Variants in IL1RAPL2 observed in about 807,000 individuals in gnomAD.
IL1RAPL2 encodes interleukin 1 receptor accessory protein like 2, also known as X-linked interleukin-1 receptor accessory protein-like 2.
IL1RAPL2 carries 3 observed loss-of-function variants against 44.1 expected under a neutral mutation model. The ratio of observed to expected loss-of-function variants is 0.07; its 90% CI spans 0.03 to 0.18. The LOEUF (loss-of-function observed/expected upper bound fraction) is 0.18, where lower values mean the gene tolerates loss of function less well. IL1RAPL2 is among the 10% of genes least tolerant of loss of function. The probability of loss-of-function intolerance (pLI) is 1.00; values close to 1 mark genes in which losing one functional copy is unlikely to be tolerated. For synonymous variants in IL1RAPL2, 181 were observed against 178.8 expected (o/e 1.01, Z -0.10); for missense variants, 391 against 496.4 (o/e 0.79, Z 2.02).
At chrX:105,463,836 T>C (rs1211431854) in intron 5 of IL1RAPL2, among the ~76,000 whole-genome samples, 2 of 112,524 alleles carry the variant, frequency 1.8e-5, no homozygotes, top group Non-Finnish European at 3.8e-5. Context: ...CCTCCCACTT[T>C]GGTTTTGCAT....
intron 2 of IL1RAPL2, among the ~76,000 whole-genome samples, chrX:105,194,438 G>A (rs1427078339): frequency 8.9e-6 from 1 of 112,108 alleles, no homozygotes; most frequent in Non-Finnish European, 1.9e-5. Context: ...TTGAAAATAA[G>A]CAAATTAGAA....
chrX:105,418,938 G>T (rs954300975), intron 5 of IL1RAPL2, among the ~76,000 whole-genome samples: 2 of 112,132 alleles, frequency 1.8e-5, no homozygotes, highest in African/African-American at 3.2e-5. Flanking sequence ...AGCATCACTG[G>T]TTTACTCTGC....
chrX:105,285,188 CTT>C (rs201652347), intron 5 of IL1RAPL2, among the ~76,000 whole-genome samples: 1,192 of 111,981 alleles, frequency 0.011, 18 homozygotes, highest in African/African-American at 0.036. Context: ...TTCTGAGTAT[CTT>C]TTCTCTGCCA....
intron 2 of IL1RAPL2, among the ~76,000 whole-genome samples, chrX:104,751,197 T>C (rs1409103989): frequency 9.0e-6 from 1 of 111,670 alleles, no homozygotes; most frequent in Non-Finnish European, 1.9e-5. Flanking sequence ...GGGTGAAATT[T>C]GCATGTATAT....
intron 6 of IL1RAPL2, among the ~76,000 whole-genome samples, chrX:105,560,102 A>G (rs2036923914): frequency 9.0e-6 from 1 of 110,890 alleles, no homozygotes; most frequent in Admixed American, 9.6e-5. Flanking sequence ...ATGCAAACTA[A>G]CTCTACCAAT....
intron 6 of IL1RAPL2, among the ~76,000 whole-genome samples, chrX:105,617,136 C>G (rs377607050): frequency 3.6e-5 from 4 of 111,228 alleles, no homozygotes; most frequent in African/African-American, 1.3e-4. Context: ...GCTGCTGTTA[C>G]TTGCAAATGT....
intron 6 of IL1RAPL2, among the ~76,000 whole-genome samples, chrX:105,665,421 C>T (rs2037753638): frequency 9.2e-6 from 1 of 108,233 alleles, no homozygotes; most frequent in South Asian, 4.0e-4. Flanking sequence ...TACTGTTTTT[C>T]CTCCTATCAT....
chrX:105,671,448 C>A (rs1602513363), intron 6 of IL1RAPL2, among the ~76,000 whole-genome samples: 1 of 111,361 alleles, frequency 9.0e-6, no homozygotes, highest in Non-Finnish European at 1.9e-5. Flanking sequence ...AGTTTTATTT[C>A]TTTATTTCCA....
intron 6 of IL1RAPL2, among the ~76,000 whole-genome samples, chrX:105,517,875 C>T (rs1263797735): frequency 9.0e-6 from 1 of 111,116 alleles, no homozygotes; most frequent in African/African-American, 3.3e-5. Context: ...TAGGAAAACA[C>T]ACTTAGGGGG....
At chrX:104,586,294 T>G (rs1361138372) in intron 1 of IL1RAPL2, among the ~76,000 whole-genome samples, 1 of 111,746 alleles carries the variant, frequency 8.9e-6, no homozygotes, top group East Asian at 2.8e-4. Flanking sequence ...TAATGGGGTT[T>G]GATTTTTGCT....
chrX:104,729,897 C>T (rs1204227500), intron 2 of IL1RAPL2, among the ~76,000 whole-genome samples: 3 of 111,114 alleles, frequency 2.7e-5, no homozygotes, highest in Non-Finnish European at 5.7e-5. Context: ...TTAAGATTAA[C>T]TGTATGCTCT....
chrX:105,119,847 C>T (rs1282636874), intron 2 of IL1RAPL2, among the ~76,000 whole-genome samples: 2 of 110,754 alleles, frequency 1.8e-5, no homozygotes, highest in African/African-American at 6.6e-5. Context: ...ATGATGATAA[C>T]AATGACTATA....
intron 6 of IL1RAPL2, among the ~76,000 whole-genome samples, chrX:105,584,531 T>TG (rs1052304412): frequency 1.2e-5 from 1 of 84,392 alleles, no homozygotes; most frequent in African/African-American, 4.7e-5. Flanking sequence ...TAGTTGTTTC[T>TG]GTTTTTTTTT....
chrX:104,717,846 A>G (rs1360669049), intron 2 of IL1RAPL2, among the ~76,000 whole-genome samples: 1 of 108,942 alleles, frequency 9.2e-6, no homozygotes, highest in African/African-American at 3.3e-5. Flanking sequence ...ATGAGTGAGA[A>G]CATGTGGTGT....
intron 2 of IL1RAPL2, among the ~76,000 whole-genome samples, chrX:105,188,451 G>C (rs937018511): frequency 8.9e-6 from 1 of 111,735 alleles, no homozygotes; most frequent in Non-Finnish European, 1.9e-5. Context: ...TGAGGAGCTG[G>C]TTGTAATGCC....
chrX:105,250,679 G>T (rs2034262128), intron 4 of IL1RAPL2, among the ~76,000 whole-genome samples: 1 of 111,135 alleles, frequency 9.0e-6, no homozygotes, highest in African/African-American at 3.3e-5. Context: ...TTCTGAAAAT[G>T]TATAAGTAAT....
intron 2 of IL1RAPL2, among the ~76,000 whole-genome samples, chrX:104,948,000 C>G (rs1925439546): frequency 9.0e-6 from 1 of 111,172 alleles, no homozygotes; most frequent in Non-Finnish European, 1.9e-5. Context: ...CTATAAATTA[C>G]CTTGGGCAGT....
chrX:104,756,756 G>A (rs775379815), intron 2 of IL1RAPL2, among the ~76,000 whole-genome samples: 11 of 110,027 alleles, frequency 1.0e-4, no homozygotes, highest in Non-Finnish European at 1.9e-4. Flanking sequence ...TAAAGTTTTA[G>A]TTAAAGGGGC....
intron 2 of IL1RAPL2, among the ~76,000 whole-genome samples, chrX:105,162,205 T>G (rs1488758615): frequency 8.9e-6 from 1 of 112,013 alleles, no homozygotes; most frequent in Non-Finnish European, 1.9e-5. Flanking sequence ...GGCCTCAGTT[T>G]CCTATATAAG....
Sources: allele counts gnomAD v4.1 joint callset (sites outside exome capture counted in the v4.1 genomes callset), GRCh38; gene constraint gnomAD v4.1.1; transcripts MANE v1.5; gene names NCBI Gene and HGNC (gene_info 2026-07-23, HGNC 2026-07-21).